GRIP1: variants seen among roughly 807,000 people sequenced by gnomAD.
GRIP1 encodes the protein glutamate receptor-interacting protein 1.
A neutral mutation model predicts 129.9 loss-of-function variants in GRIP1; 45 were observed. The observed-to-expected ratio is 0.35, with a 90% CI of 0.27 to 0.44. GRIP1 has a LOEUF of 0.44. Ranked by LOEUF, GRIP1 falls within the 20% of genes least tolerant of loss-of-function variation. GRIP1 has a pLI of 1.00. For missense variants in GRIP1, 1,196 were observed against 1,396.8 expected (o/e 0.86, Z 2.29); for synonymous variants, 530 against 520.8 (o/e 1.02, Z -0.24).
intron 13 of GRIP1, among the ~76,000 whole-genome samples, chr12:66,443,637 G>T (rs975081775): frequency 6.6e-6 from 1 of 151,828 alleles, no homozygotes; most frequent in African/African-American, 2.4e-5. Context: ...TGTATTTTTA[G>T]TAGAGACAGG....
chr12:66,900,340 G>A (rs1388246492), intron 1 of GRIP1, among the ~76,000 whole-genome samples: 1 of 151,966 alleles, frequency 6.6e-6, no homozygotes, highest in East Asian at 1.9e-4. Context: ...CCTTATAAAA[G>A]AGACCCCAGA....
intron 13 of GRIP1, among the ~76,000 whole-genome samples, chr12:66,436,624 T>C (rs566268864): frequency 6.6e-6 from 1 of 152,208 alleles, no homozygotes; most frequent in South Asian, 2.1e-4. Flanking sequence ...ATAAGCACCT[T>C]TTACTTAAAA....
chr12:66,461,555 C>T (rs2059137559), intron 9 of GRIP1, among the ~76,000 whole-genome samples: 1 of 152,168 alleles, frequency 6.6e-6, no homozygotes, highest in South Asian at 2.1e-4. Flanking sequence ...TGCTGATTTT[C>T]TTTTCATAAC....
rs1426058317 is a variant in GRIP1 at position 66,432,544 on chromosome 12, T to C, written c.1768+4A>G. ...ATTATTTAAAAGAAATAACTTCTAC[T>C]TACAACTTATGGTTATTCCAAGTTC... On this transcript the variant is annotated splice_donor_region_variant and intron_variant, in intron 14 of 24. Transcript: ENST00000359742. The C allele has an allele frequency of 6.5e-7, 1 of 1,534,482 alleles. No individual in the cohort carries two copies. The highest frequency in any genetic ancestry group is 1.4e-5 in the African/African-American group (1 of 73,470).
At chr12:66,683,759 G>T (rs2034675226), upstream of GRIP1, among the ~76,000 whole-genome samples, 1 of 152,186 alleles carries the variant, frequency 6.6e-6, no homozygotes, top group African/African-American at 2.4e-5. Flanking sequence ...AAGCTCCTGT[G>T]AAGGTAACAA....
At chr12:66,804,748 C>T (rs550285557), upstream of GRIP1, among the ~76,000 whole-genome samples, 1 of 152,326 alleles carries the variant, frequency 6.6e-6, no homozygotes, top group African/African-American at 2.4e-5. Context: ...TATCTCAAAA[C>T]ATGTGCTTGG....
intron 16 of GRIP1, among the ~76,000 whole-genome samples, chr12:66,405,658 C>G (rs1366544432): frequency 1.3e-5 from 2 of 152,168 alleles, no homozygotes; most frequent in African/African-American, 4.8e-5. Flanking sequence ...TGGGGCATGA[C>G]TGACTCATCA....
chr12:66,530,381 G>A (rs946030297), intron 4 of GRIP1, among the ~76,000 whole-genome samples: 7 of 152,176 alleles, frequency 4.6e-5, no homozygotes, highest in Admixed American at 2.0e-4. Context: ...CAATTAGGCT[G>A]ATGCTAATAG....
chr12:67,054,528 C>G (rs2043401240), intron 1 of GRIP1, among the ~76,000 whole-genome samples: 1 of 152,070 alleles, frequency 6.6e-6, no homozygotes, highest in Non-Finnish European at 1.5e-5. Flanking sequence ...TTTTGGGAGG[C>G]CGAAGTGGGC....
chr12:66,968,483 A>G (rs1357919531), intron 1 of GRIP1, among the ~76,000 whole-genome samples: 1 of 151,998 alleles, frequency 6.6e-6, no homozygotes, highest in Non-Finnish European at 1.5e-5. Context: ...AGCGTTTTAT[A>G]TAACATGTTA....
At chr12:67,056,704 C>T (rs2043441993) in intron 1 of GRIP1, among the ~76,000 whole-genome samples, 1 of 152,144 alleles carries the variant, frequency 6.6e-6, no homozygotes, top group Non-Finnish European at 1.5e-5. Context: ...ATCATCTGTT[C>T]AAAAGGATCA....
chr12:66,946,368 T>G (rs559809936), intron 1 of GRIP1, among the ~76,000 whole-genome samples: 1 of 152,160 alleles, frequency 6.6e-6, no homozygotes, highest in Non-Finnish European at 1.5e-5. Context: ...TCCTTAAAAA[T>G]GATCAACAAT....
chr12:66,412,875 G>GA (rs1049955875), intron 15 of GRIP1, among the ~76,000 whole-genome samples: 1 of 150,756 alleles, frequency 6.6e-6, no homozygotes, highest in Non-Finnish European at 1.5e-5. Context: ...AACAAAGATA[G>GA]AAAAAAAATG....
At chr12:66,893,593 A>G (rs1299867482) in intron 1 of GRIP1, among the ~76,000 whole-genome samples, 1 of 152,146 alleles carries the variant, frequency 6.6e-6, no homozygotes, top group African/African-American at 2.4e-5. Context: ...TTGTTTTTCC[A>G]TTTACCCATT....
chr12:66,615,545 T>A (rs1258806264), intron 1 of GRIP1, among the ~76,000 whole-genome samples: 1 of 152,176 alleles, frequency 6.6e-6, no homozygotes, highest in Non-Finnish European at 1.5e-5. Flanking sequence ...GTATATCCAC[T>A]CTACATAGCA....
At chr12:66,486,668 G>A (rs1163169282) in intron 7 of GRIP1, among the ~76,000 whole-genome samples, 1 of 152,124 alleles carries the variant, frequency 6.6e-6, no homozygotes, top group Admixed American at 6.5e-5. Context: ...GGCTTCCCCA[G>A]CTACATGGAA....
intron 1 of GRIP1, among the ~76,000 whole-genome samples, chr12:66,868,300 G>A (rs929617917): frequency 5.3e-5 from 8 of 152,098 alleles, no homozygotes; most frequent in African/African-American, 1.7e-4. Context: ...TGAGATAGAG[G>A]AGAAGAAAGA....
At chr12:66,838,703 T>A (rs1365408823) in intron 1 of GRIP1, among the ~76,000 whole-genome samples, 1 of 152,102 alleles carries the variant, frequency 6.6e-6, no homozygotes, top group Non-Finnish European at 1.5e-5. Context: ...CTGATAAAAA[T>A]AGGTGAGTTG....
At chr12:67,004,122 T>C (rs2042592868) in intron 1 of GRIP1, among the ~76,000 whole-genome samples, 1 of 152,228 alleles carries the variant, frequency 6.6e-6, no homozygotes, top group Non-Finnish European at 1.5e-5. Flanking sequence ...CTCAAGATCC[T>C]TAACTACTAA....
Sources: gnomAD v4.1 joint callset for allele counts (sites outside exome capture counted in the v4.1 genomes callset) on GRCh38, gnomAD v4.1.1 for gene constraint, MANE v1.5 for transcripts, NCBI Gene and HGNC (gene_info 2026-07-23, HGNC 2026-07-21) for gene names.